The following ZNF584 variants were observed in gnomAD, a reference collection of about 807,000 sequenced individuals.
ZNF584 encodes the protein zinc finger protein 584.
Under a neutral mutation model 14.7 loss-of-function variants are expected in ZNF584, and 12 were observed. The ratio of observed to expected loss-of-function variants is 0.82; its 90% confidence interval spans 0.52 to 1.32. The LOEUF (loss-of-function observed/expected upper bound fraction) is 1.32. Ranked by LOEUF, ZNF584 falls within the 40% of genes most tolerant of loss-of-function variation. The pLI is 0.00. For synonymous variants in ZNF584, 204 were observed against 190.9 expected, an observed-to-expected ratio of 1.07 and a Z score of -0.57; for missense variants, 478 against 518.8, an observed-to-expected ratio of 0.92 and a Z score of 0.76.
chr19:58,418,010 C>T lies in ZNF584; in HGVS notation c.*226C>T, dbSNP rs191117735. On this transcript the variant is annotated 3_prime_UTR_variant, in exon 4 of 4. Coordinates refer to ENST00000306910, the MANE Select transcript of ZNF584 (RefSeq NM_173548.3). Reference sequence around the variant, plus strand: ...ACTGAGTTTATCCACCGCCATCCACCTCTATCCACCCCATAAGGTCCCTAC... The same window carrying T: ...ACTGAGTTTATCCACCGCCATCCACTTCTATCCACCCCATAAGGTCCCTAC... 9.3e-5 allele frequency: 53 copies of T among 571,260 alleles called. No individual in the cohort carries two copies. The Admixed American group carries it at 1.6e-3, about 17-fold the overall frequency. The allele number at this position is 571,260 out of a possible 1,614,324, so 35.4% of individuals were successfully genotyped here. A position where few individuals can be genotyped will look rare whatever the true frequency, so the allele number is the denominator to read the frequency against.
chr19:58,410,043 C>A lies in ZNF584; in HGVS notation c.121C>A (p.Leu41Ile). 6.2e-7 allele frequency: 1 copy of A among 1,613,892 alleles called. No homozygotes were observed. Among genetic ancestry groups the A allele is most frequent in the Non-Finnish European group, 8.5e-7 (1 of 1,179,952 alleles). ...WGLLNVTQKG[L>I]YRDVMLENFA... ...GCTCCTTAATGTGACCCAGAAGGGC[C>A]TATACCGGGATGTGATGCTGGAGAA... is the stretch of plus-strand genomic sequence containing the variant. The change falls in exon 2 of 4, where the codon CTA becomes ATA. Residue 41 changes from leucine (L) to isoleucine (I), a missense_variant. Leu to Ile is a conservative substitution (Grantham distance 5). Coordinates refer to ENST00000306910, the MANE Select transcript of ZNF584 (RefSeq NM_173548.3).
chr19:58,414,119 C>T (rs980182504), intron 2 of ZNF584, among the ~76,000 whole-genome samples: 1 of 152,030 alleles, frequency 6.6e-6, no homozygotes, highest in Non-Finnish European at 1.5e-5. Context: ...ACACCCAGCC[C>T]TGTGTTTTTA....
At position 58,410,033 on chromosome 19, in the gene ZNF584, C is replaced by G. The variant is rs757135891; in HGVS notation, c.111C>G (p.Thr37=). ...AGGAGTGGGGGCTCCTTAATGTGAC[C>G]CAGAAGGGCCTATACCGGGATGTGA... ...SREEWGLLNV[T]QKGLYRDVML... The change falls in exon 2 of 4, where the codon ACC becomes ACG. Residue 37 remains threonine (T), a synonymous_variant. Transcript: ENST00000306910. The G allele has an allele frequency of 5.0e-6, 8 of 1,613,714 alleles. No individual in the cohort carries two copies. Among genetic ancestry groups the G allele is most frequent in the Non-Finnish European group, 6.8e-6 (8 of 1,179,938 alleles).
chr19:58,417,663 A>G lies in ZNF584; in HGVS notation c.1145A>G (p.Tyr382Cys), dbSNP rs1454733901. ...CAGTTCCACACTGAAGAGAGGTCTT[A>G]TGAATGTACAGAGTGTGGGAAGGCC... is the stretch of plus-strand genomic sequence containing the variant. ...HQQFHTEERS[Y>C]ECTECGKAFK... The change falls in exon 4 of 4, where the codon TAT becomes TGT. Residue 382 changes from tyrosine (Y) to cysteine (C), a missense_variant. Physicochemically the swap from Tyr to Cys is radical, Grantham distance 194 (BLOSUM62 -2). Transcript: ENST00000306910. The G allele has an allele frequency of 6.2e-7, 1 of 1,613,966 alleles. No individual in the cohort carries two copies.
At chr19:58,402,432 T>C (rs1325160604) in intron 1 of ZNF584, among the ~76,000 whole-genome samples, 1 of 152,178 alleles carries the variant, frequency 6.6e-6, no homozygotes, top group Admixed American at 6.5e-5. Flanking sequence ...ATTAAGTACT[T>C]CTCCAAAGAA....
Position 58,409,968 on chromosome 19 carries a change from TTGG to T in ZNF584, c.49_51del (p.Val17del). On this transcript the variant is annotated inframe_deletion, in exon 2 of 4. Coordinates refer to ENST00000306910, the MANE Select transcript of ZNF584 (RefSeq NM_173548.3). Reference sequence around the variant, plus strand: ...TCAGTTGGACCCATCATTGCAGGGCTTGGTGATGTTTGAGGATGTGACGGTATA... The same window carrying T: ...TCAGTTGGACCCATCATTGCAGGGCTTGATGTTTGAGGATGTGACGGTATA... The T allele has an allele frequency of 6.2e-7, 1 of 1,614,020 alleles. No homozygotes were observed. Among genetic ancestry groups the T allele is most frequent in the Non-Finnish European group, 8.5e-7 (1 of 1,179,982 alleles).
Position 58,415,882 on chromosome 19 carries a change from A to T in ZNF584, c.292+236A>T, listed in dbSNP as rs905130154. 2.5e-6 allele frequency: 4 copies of T among 1,599,232 alleles called. No individual in the cohort carries two copies. In the Admixed American group the frequency reaches 5.0e-5, roughly 20 times the overall value. On this transcript the variant is annotated intron_variant, in intron 3 of 3. Transcript: ENST00000306910. ...ATTGCCCTTCTCTGTATCTGTGCAG[A>T]GCTGTCTACTGTTGGCGACTCAGTG...
At chr19:58,413,576 G>C (rs1247526655) in intron 2 of ZNF584, among the ~76,000 whole-genome samples, 2 of 150,036 alleles carry the variant, frequency 1.3e-5, no homozygotes, top group African/African-American at 4.9e-5. Flanking sequence ...GTGCGATCTT[G>C]GCTCACTGCA....
At position 58,410,599 on chromosome 19, in the gene ZNF584, A is replaced by ATATATGTATGTATATG. The variant is rs1568584598; in HGVS notation, c.169+511_169+512insATGTATGTATATGTAT. ...TATATATATGTATATATATGTATAT[A>ATATATGTATGTATATG]TATGTATATATATGTGTATATATGT... On this transcript the variant is annotated intron_variant, in intron 2 of 3. Coordinates refer to ENST00000306910, the MANE Select transcript of ZNF584 (RefSeq NM_173548.3). 7.9e-4 allele frequency among the ~76,000 whole-genome samples: 32 copies of ATATATGTATGTATATG among 40,756 alleles called. 1 individual carries two copies. The highest frequency in any genetic ancestry group is 7.0e-3 in the African/African-American group (29 of 4,116). 26.7% of individuals were successfully genotyped at this position (40,756 alleles called of 152,430 possible). A position where few individuals can be genotyped will look rare whatever the true frequency, so the allele number is the denominator to read the frequency against.
chr19:58,410,198 A>C, intron 2 of ZNF584, 107 bp downstream of exon 2: 1 of 1,390,360 alleles, frequency 7.2e-7, no homozygotes, highest in Non-Finnish European at 9.6e-7. Context: ...TCCTTCCCAG[A>C]TTCCCTGTTG....
chr19:58,409,751 T>C (rs946209457), intron 1 of ZNF584, among the ~76,000 whole-genome samples, 190 bp from the exon 2 acceptor site: 2 of 152,102 alleles, frequency 1.3e-5, no homozygotes, highest in African/African-American at 4.8e-5. Context: ...AGCTCTGATA[T>C]TCCTCTGGGA....
chr19:58,414,188 G>A (rs1396998578), intron 2 of ZNF584, among the ~76,000 whole-genome samples: 1 of 151,992 alleles, frequency 6.6e-6, no homozygotes, highest in Non-Finnish European at 1.5e-5. Context: ...CTTTGACTCT[G>A]GATTTTTAGG....
In ZNF584 at chr19:58,417,828, A is replaced by G; in HGVS notation, c.*44A>G. ...AGGTCTTATTCCAGAAAGGAGGTTA[A>G]GGAGAGTGGCCGTGAGAGTGCCATC... On this transcript the variant is annotated 3_prime_UTR_variant, in exon 4 of 4. Coordinates refer to ENST00000306910, the MANE Select transcript of ZNF584 (RefSeq NM_173548.3). The G allele has an allele frequency of 6.4e-7, 1 of 1,550,750 alleles. No individual in the cohort carries two copies. Among genetic ancestry groups the G allele is most frequent in the Non-Finnish European group, 8.7e-7 (1 of 1,150,334 alleles).
At position 58,411,967 on chromosome 19, in the gene ZNF584, TATA is replaced by T. The variant is rs562605554; in HGVS notation, c.169+1880_169+1882del. On this transcript the variant is annotated intron_variant, in intron 2 of 3. Coordinates refer to ENST00000306910, the MANE Select transcript of ZNF584 (RefSeq NM_173548.3). ...CTGGGATAAATTCCCTGTCATGGCT[TATA>T]ATACTTGTTTTTTTTTTTTTTTTTT... Among the ~76,000 whole-genome samples the T allele has an allele frequency of 2.7e-3, 398 of 149,012 alleles. 7 individuals carry two copies. The highest frequency in any genetic ancestry group is 9.5e-3 in the African/African-American group (382 of 40,352).
chr19:58,406,504 A>G (rs566633755), upstream of ZNF584: 1 of 152,550 alleles, frequency 6.6e-6, no homozygotes, highest in African/African-American at 2.4e-5. Flanking sequence ...AGTAGGCGAA[A>G]AGGTGGACTG....
upstream of ZNF584, chr19:58,407,103 G>C (rs982675752): frequency 6.6e-6 from 1 of 152,368 alleles, no homozygotes; most frequent in Non-Finnish European, 1.5e-5. Context: ...CCAGGTGTGA[G>C]AACAGCCCAC....
chr19:58,407,484 C>T (rs950722778), upstream of ZNF584, among the ~76,000 whole-genome samples: 38 of 152,350 alleles, frequency 2.5e-4, no homozygotes, highest in African/African-American at 9.1e-4. Flanking sequence ...CTTGGCCACT[C>T]ACGGCCCTTG....
At chr19:58,404,567 C>T (rs1281131362), upstream of ZNF584, 1 of 188,074 alleles carries the variant, frequency 5.3e-6, no homozygotes, top group Non-Finnish European at 1.1e-5. Context: ...CACAGATCAA[C>T]AGGATCCCAA....
At chr19:58,406,500 C>T (rs771446072), upstream of ZNF584, 84 of 152,374 alleles carry the variant, frequency 5.5e-4, 1 homozygote, top group Middle Eastern at 3.4e-3. Context: ...GGGAAGTAGG[C>T]GAAAAGGTGG....
Sources: allele counts gnomAD v4.1 joint callset (sites outside exome capture counted in the v4.1 genomes callset), GRCh38; gene constraint gnomAD v4.1.1; transcripts MANE v1.5; gene names NCBI Gene and HGNC (gene_info 2026-07-23, HGNC 2026-07-21).